Variants in CTNNA2 observed in about 807,000 individuals in gnomAD.
CTNNA2 encodes catenin alpha 2, also known as catenin alpha-2.
A neutral mutation model predicts 101.0 loss-of-function variants in CTNNA2; 42 were observed. That is an observed-to-expected ratio of 0.42 (90% CI 0.32 to 0.54). The LOEUF is 0.54. CTNNA2 is among the 20% of genes least tolerant of loss of function. The pLI, the probability that CTNNA2 is intolerant of heterozygous loss-of-function variation, is 0.14. For missense variants in CTNNA2, 871 were observed against 1,223.1 expected, an observed-to-expected ratio of 0.71 and a Z score of 4.29; for synonymous variants, 450 against 456.4, an observed-to-expected ratio of 0.99 and a Z score of 0.18.
At chr2:79,221,979 C>T (rs113697220) in intron 2 of CTNNA2, among the ~76,000 whole-genome samples, 2 of 151,978 alleles carry the variant, frequency 1.3e-5, no homozygotes, top group East Asian at 3.9e-4. Context: ...TTTAATGAGG[C>T]CTTTTCTGTG....
At chr2:79,356,816 T>C (rs1266915601) in intron 3 of CTNNA2, among the ~76,000 whole-genome samples, 1 of 152,026 alleles carries the variant, frequency 6.6e-6, no homozygotes, top group East Asian at 1.9e-4. Flanking sequence ...AAAACTACCA[T>C]GTATATCAAG....
chr2:80,093,066 A>G (rs1177074255), intron 7 of CTNNA2, among the ~76,000 whole-genome samples: 2 of 152,020 alleles, frequency 1.3e-5, no homozygotes, highest in Non-Finnish European at 2.9e-5. Flanking sequence ...CAGGTTTGTT[A>G]CATATGAATA....
chr2:80,386,977 C>A (rs935836997), intron 7 of CTNNA2, among the ~76,000 whole-genome samples: 1 of 152,094 alleles, frequency 6.6e-6, no homozygotes, highest in African/African-American at 2.4e-5. Flanking sequence ...CCCCCCAGAA[C>A]TGGATTATGT....
chr2:80,328,761 C>A lies in CTNNA2; in HGVS notation c.1057-64450C>A, dbSNP rs148992108. The stretch of plus-strand genomic sequence containing the variant: ...GGATATGTTCTGAGAAATGCGTTTT[C>A]ATTGTTGGTCGAACATCGTAGAATG... On this transcript the variant is annotated intron_variant, in intron 7 of 18. Coordinates refer to ENST00000402739, the MANE Select transcript of CTNNA2 (RefSeq NM_001282597.3). Among the ~76,000 whole-genome samples the A allele has an allele frequency of 2.1e-3, 324 of 152,290 alleles. 2 individuals are homozygous for A. The highest frequency in any genetic ancestry group is 7.3e-3 in the African/African-American group (303 of 41,566).
chr2:79,379,531 A>C (rs1678016850), intron 4 of CTNNA2, among the ~76,000 whole-genome samples: 1 of 152,116 alleles, frequency 6.6e-6, no homozygotes, highest in South Asian at 2.1e-4. Flanking sequence ...CACTTTTTAA[A>C]ATCTTCAGTA....
rs143694755 is a variant in CTNNA2, at chr2:79,923,921, TA to T, written c.1056+14129del. 3.9e-4 allele frequency among the ~76,000 whole-genome samples: 60 copies of T among 152,222 alleles called. 2 individuals are homozygous for T. In the East Asian group the frequency reaches 0.011, roughly 27 times the overall value. ...ACAGAATGAAAGTTCTACAAAAAAC[TA>T]AAAATAGAATTAACATATGATCCAG... On this transcript the variant is annotated intron_variant, in intron 7 of 18. Coordinates refer to ENST00000402739, the MANE Select transcript of CTNNA2 (RefSeq NM_001282597.3).
At chr2:80,626,166 A>C (rs780416311) in intron 18 of CTNNA2, among the ~76,000 whole-genome samples, 12 of 152,110 alleles carry the variant, frequency 7.9e-5, no homozygotes, top group Non-Finnish European at 1.8e-4. Flanking sequence ...TTGTATTAAA[A>C]ATTTGTATAT....
chr2:80,625,926 A>T (rs1313900971), intron 18 of CTNNA2, among the ~76,000 whole-genome samples: 1 of 151,614 alleles, frequency 6.6e-6, no homozygotes, highest in Non-Finnish European at 1.5e-5. Flanking sequence ...AAATTTTCAG[A>T]TATATTAAAC....
intron 7 of CTNNA2, among the ~76,000 whole-genome samples, chr2:80,049,347 A>C (rs1696724562): frequency 2.0e-5 from 3 of 152,204 alleles, no homozygotes; most frequent in Admixed American, 2.0e-4. Context: ...AGACGGCAGA[A>C]CAACAGTCCC....
intron 7 of CTNNA2, among the ~76,000 whole-genome samples, chr2:80,024,749 G>A (rs999535458): frequency 6.6e-6 from 1 of 152,028 alleles, no homozygotes; most frequent in East Asian, 1.9e-4. Context: ...GAGGGTGTAT[G>A]TTACAATCAG....
chr2:79,665,094 T>C (rs570032109), intron 2 of CTNNA2, among the ~76,000 whole-genome samples: 8 of 152,126 alleles, frequency 5.3e-5, no homozygotes, highest in Non-Finnish European at 8.8e-5. Flanking sequence ...CCACTCTCAA[T>C]CCAGAAAGAA....
chr2:80,263,583 G>A (rs1375426772), intron 7 of CTNNA2, among the ~76,000 whole-genome samples: 1 of 152,146 alleles, frequency 6.6e-6, no homozygotes, highest in Admixed American at 6.5e-5. Flanking sequence ...TGATCCACCT[G>A]CCTCGGCCTC....
chr2:80,161,786 A>T (rs1704338343), intron 7 of CTNNA2, among the ~76,000 whole-genome samples: 1 of 152,202 alleles, frequency 6.6e-6, no homozygotes, highest in Admixed American at 6.5e-5. Flanking sequence ...TCATGTAAAA[A>T]TATACGTGTA....
rs577126838 is a variant in CTNNA2 at position 80,206,564 on chromosome 2, A to G, written c.1057-186647A>G. Among the ~76,000 whole-genome samples the G allele has an allele frequency of 5.3e-5, 8 of 152,350 alleles. No homozygotes were observed. In the South Asian group the frequency reaches 1.7e-3, roughly 32 times the overall value. ...AAACACAGTTTTGCATGGTGAAAAGAGAGAAGAGGTATCTACATATAGTGC... is the reference window on the plus strand; with the variant it reads ...AAACACAGTTTTGCATGGTGAAAAGGGAGAAGAGGTATCTACATATAGTGC... On this transcript the variant is annotated intron_variant, in intron 7 of 18. Transcript: ENST00000402739.
chr2:79,457,198 T>A (rs1449070775), intron 4 of CTNNA2, among the ~76,000 whole-genome samples: 3 of 139,508 alleles, frequency 2.2e-5, no homozygotes, highest in Non-Finnish European at 3.0e-5. Context: ...GGAGACTCCA[T>A]CTCAAAAAAA....
chr2:80,183,022 A>C (rs1705879874), intron 7 of CTNNA2, among the ~76,000 whole-genome samples: 1 of 152,226 alleles, frequency 6.6e-6, no homozygotes, highest in South Asian at 2.1e-4. Context: ...GTGCAGGAGC[A>C]TTATCATACT....
chr2:79,791,920 G>A (rs1675302267), intron 3 of CTNNA2, among the ~76,000 whole-genome samples: 1 of 152,132 alleles, frequency 6.6e-6, no homozygotes, highest in Non-Finnish European at 1.5e-5. Flanking sequence ...AAAGACACCT[G>A]TATTATTTGT....
chr2:80,197,961 C>A (rs1481225707), intron 7 of CTNNA2, among the ~76,000 whole-genome samples: 1 of 152,154 alleles, frequency 6.6e-6, no homozygotes, highest in Non-Finnish European at 1.5e-5. Flanking sequence ...CATGGACATC[C>A]CACTTCCCCA....
intron 7 of CTNNA2, among the ~76,000 whole-genome samples, chr2:80,127,784 A>T (rs1047864838): frequency 7.2e-5 from 11 of 152,162 alleles, no homozygotes; most frequent in African/African-American, 1.4e-4. Context: ...ACTGAAGTGC[A>T]ACTCTCTGGA....
Sources: gnomAD v4.1 joint callset for allele counts (sites outside exome capture counted in the v4.1 genomes callset) on GRCh38, gnomAD v4.1.1 for gene constraint, MANE v1.5 for transcripts, NCBI Gene and HGNC (gene_info 2026-07-23, HGNC 2026-07-21) for gene names.